GBP7: variants seen among roughly 807,000 people sequenced by gnomAD.
GBP7 encodes the protein guanylate binding protein 7, also known as guanylate-binding protein 7.
GBP7 carries 43 observed loss-of-function variants against 61.3 expected under a neutral mutation model. The observed-to-expected ratio is 0.70, with a 90% CI of 0.55 to 0.91. The LOEUF is 0.91. Among genes scored for constraint, GBP7 ranks in the 40% least tolerant of loss-of-function variants. The pLI is 0.00. For synonymous variants in GBP7, 267 were observed against 271.0 expected, an observed-to-expected ratio of 0.99 and a Z score of 0.14; for missense variants, 717 against 740.5, an observed-to-expected ratio of 0.97 and a Z score of 0.37.
chr1:89,160,967 G>A (rs1647250568), intron 3 of GBP7, among the ~76,000 whole-genome samples: 1 of 151,996 alleles, frequency 6.6e-6, no homozygotes, highest in Non-Finnish European at 1.5e-5. Flanking sequence ...TCCAATGTGT[G>A]TTGTTTCCCT....
intron 1 of GBP7, among the ~76,000 whole-genome samples, chr1:89,172,478 C>T (rs1184421363): frequency 6.6e-6 from 1 of 152,114 alleles, no homozygotes; most frequent in South Asian, 2.1e-4. Context: ...TGAGGAATAT[C>T]CTTCAATTTG....
intron 9 of GBP7, 94 bp downstream of exon 9, chr1:89,141,452 G>T (rs1408659825): frequency 1.9e-6 from 2 of 1,056,880 alleles, no homozygotes; most frequent in Non-Finnish European, 2.8e-6. Context: ...TGAGAAGAAA[G>T]CTCCTGGTAT....
At chr1:89,152,027 T>C (rs1412605170) in intron 5 of GBP7, among the ~76,000 whole-genome samples, 1 of 152,214 alleles carries the variant, frequency 6.6e-6, no homozygotes, top group Non-Finnish European at 1.5e-5. Context: ...TACTTATTGG[T>C]CTAAAATCAT....
chr1:89,132,697 T>C (rs1449114629), intron 10 of GBP7, among the ~76,000 whole-genome samples: 5 of 152,188 alleles, frequency 3.3e-5, no homozygotes, highest in African/African-American at 1.2e-4. Flanking sequence ...TTGATTCCCC[T>C]TTCCACCGAT....
intron 9 of GBP7, among the ~76,000 whole-genome samples, chr1:89,134,512 G>T (rs1681750787): frequency 6.6e-6 from 1 of 151,560 alleles, no homozygotes; most frequent in African/African-American, 2.4e-5. Flanking sequence ...AGGGGCCAGA[G>T]AACAAAGCCA....
intron 3 of GBP7, among the ~76,000 whole-genome samples, chr1:89,156,964 C>A (rs942008161): frequency 6.6e-6 from 1 of 152,174 alleles, no homozygotes; most frequent in Admixed American, 6.6e-5. Flanking sequence ...GTAAAGCACT[C>A]CTCAGCAAAT....
intron 9 of GBP7, among the ~76,000 whole-genome samples, chr1:89,139,986 T>C (rs1312463671): frequency 1.3e-5 from 2 of 152,048 alleles, no homozygotes; most frequent in Non-Finnish European, 2.9e-5. Flanking sequence ...TAAAGACACA[T>C]GGACACATAT....
intron 2 of GBP7, among the ~76,000 whole-genome samples, chr1:89,169,350 G>T (rs1647537088): frequency 6.6e-6 from 1 of 152,200 alleles, no homozygotes; most frequent in South Asian, 2.1e-4. Context: ...ACTTAAAAGA[G>T]CCTCATGACT....
chr1:89,149,801 C>T (rs1682152332), intron 6 of GBP7, among the ~76,000 whole-genome samples: 1 of 151,722 alleles, frequency 6.6e-6, no homozygotes, highest in African/African-American at 2.4e-5. Flanking sequence ...TTCTCCAGCT[C>T]ATCACATTAC....
At chr1:89,167,893 T>A (rs913405024) in intron 2 of GBP7, among the ~76,000 whole-genome samples, 4 of 152,204 alleles carry the variant, frequency 2.6e-5, no homozygotes, top group African/African-American at 9.6e-5. Flanking sequence ...CAGAGATTAA[T>A]GAGAAACAAA....
chr1:89,154,589 C>T (rs934450792), intron 3 of GBP7, among the ~76,000 whole-genome samples: 6 of 151,640 alleles, frequency 4.0e-5, no homozygotes, highest in Non-Finnish European at 7.4e-5. Context: ...TCAGGTGATC[C>T]ACCCACCTTG....
chr1:89,152,285 G>A lies in GBP7; in HGVS notation c.608C>T (p.Ala203Val). 1.9e-6 allele frequency: 3 copies of A among 1,613,860 alleles called. No individual in the cohort carries two copies. Among genetic ancestry groups the A allele is most frequent in the Non-Finnish European group, 2.5e-6 (3 of 1,179,872 alleles). The change falls in exon 5 of 11, where the codon GCC becomes GTC. Residue 203 changes from alanine to valine, a missense_variant. Physicochemically the swap from Ala to Val is moderately conservative, Grantham distance 64. Transcript: ENST00000294671. ...PITEDEYLENALKLISGKNPQ... is the reference protein window; with the variant it reads ...PITEDEYLENVLKLISGKNPQ... ...TCTGATACCTGAAATCAGCTTCAAG[G>A]CATTCTCCAGGTACTCATCTTCTGT...
At chr1:89,142,829 G>T (rs1446133083) in intron 8 of GBP7, among the ~76,000 whole-genome samples, 4 of 152,072 alleles carry the variant, frequency 2.6e-5, no homozygotes, top group South Asian at 2.1e-4. Context: ...GGACATTCTT[G>T]CATTGCTACA....
intron 7 of GBP7, 144 bp downstream of exon 7, chr1:89,149,148 T>C: frequency 1.6e-6 from 1 of 609,606 alleles, no homozygotes; most frequent in Non-Finnish European, 2.6e-6. Flanking sequence ...AATAAAAAAC[T>C]GTAGCCCATT....
At chr1:89,147,479 G>A (rs1682095094) in intron 8 of GBP7, 88 bp downstream of exon 8, 1 of 976,136 alleles carries the variant, frequency 1.0e-6, no homozygotes, top group Admixed American at 2.0e-5. Context: ...GTCGATAAAT[G>A]GTGCTGTGTT....
At chr1:89,137,944 CAA>C (rs1288725198) in intron 9 of GBP7, among the ~76,000 whole-genome samples, 1 of 152,078 alleles carries the variant, frequency 6.6e-6, no homozygotes, top group Non-Finnish European at 1.5e-5. Context: ...TAAACATCAG[CAA>C]AGTTTCAGGA....
chr1:89,174,379 A>G (rs1041000417), intron 1 of GBP7, among the ~76,000 whole-genome samples: 1 of 152,134 alleles, frequency 6.6e-6, no homozygotes, highest in Non-Finnish European at 1.5e-5. Context: ...CTCATCTTGT[A>G]TGTCATTTTC....
chr1:89,170,506 A>G (rs1021919030), intron 2 of GBP7, among the ~76,000 whole-genome samples: 1 of 152,222 alleles, frequency 6.6e-6, no homozygotes, highest in Non-Finnish European at 1.5e-5. Flanking sequence ...TGGTTTTGAA[A>G]ATGACTCCCA....
intron 9 of GBP7, among the ~76,000 whole-genome samples, chr1:89,139,986 T>G (rs1312463671): frequency 1.3e-5 from 2 of 152,048 alleles, no homozygotes; most frequent in African/African-American, 4.8e-5. Flanking sequence ...TAAAGACACA[T>G]GGACACATAT....
Sources: allele counts gnomAD v4.1 joint callset (sites outside exome capture counted in the v4.1 genomes callset), GRCh38; gene constraint gnomAD v4.1.1; transcripts MANE v1.5; gene names NCBI Gene and HGNC (gene_info 2026-07-23, HGNC 2026-07-21).